USP30: variants seen among roughly 807,000 people sequenced by gnomAD.
USP30 encodes the protein ubiquitin carboxyl-terminal hydrolase 30.
USP30 carries 41 observed loss-of-function variants against 68.2 expected under a neutral mutation model. The observed-to-expected ratio is 0.60, with a 90% confidence interval of 0.47 to 0.78. The LOEUF is 0.78. USP30 is among the 30% of genes least tolerant of loss of function. The probability of loss-of-function intolerance (pLI) is 0.00; values close to 1 mark genes in which losing one functional copy is unlikely to be tolerated. For synonymous variants in USP30, 229 were observed against 253.7 expected, an observed-to-expected ratio of 0.90 and a Z score of 0.93; for missense variants, 522 against 649.4, an observed-to-expected ratio of 0.80 and a Z score of 2.13.
upstream of USP30, among the ~76,000 whole-genome samples, chr12:109,048,161 C>T (rs1358349777): frequency 6.6e-6 from 1 of 150,988 alleles, no homozygotes; most frequent in Non-Finnish European, 1.5e-5. Flanking sequence ...TCATGGCTCA[C>T]TGCAACCTCT....
chr12:109,067,053 G>A (rs964072741), intron 3 of USP30, among the ~76,000 whole-genome samples: 1 of 150,984 alleles, frequency 6.6e-6, no homozygotes, highest in African/African-American at 2.4e-5. Flanking sequence ...ATTGGGTAAA[G>A]CTACAAAGAA....
chr12:109,027,624 A>G (rs1030311538), intron 3 of USP30: 4 of 152,198 alleles, frequency 2.6e-5, no homozygotes, highest in Non-Finnish European at 5.9e-5. Context: ...TAGTTACCTG[A>G]TAAGAGTGGA....
At chr12:109,078,072 A>C (rs2041665533) in intron 7 of USP30, among the ~76,000 whole-genome samples, 1 of 152,132 alleles carries the variant, frequency 6.6e-6, no homozygotes, top group Non-Finnish European at 1.5e-5. Context: ...TGGTATTGCT[A>C]GTTCATACAG....
At chr12:109,042,531 G>A (rs2040572289) in intron 3 of USP30, among the ~76,000 whole-genome samples, 1 of 152,066 alleles carries the variant, frequency 6.6e-6, no homozygotes, top group African/African-American at 2.4e-5. Context: ...GAAAGAGCTG[G>A]CTCATTGTTT....
intron 3 of USP30, among the ~76,000 whole-genome samples, chr12:109,044,705 A>T (rs1226437951): frequency 6.6e-6 from 1 of 150,490 alleles, no homozygotes; most frequent in African/African-American, 2.5e-5. Flanking sequence ...TTGCCACAAT[A>T]AAAAAAAATG....
Position 109,081,614 on chromosome 12 carries a change from C to T in USP30, c.780+221C>T, listed in dbSNP as rs900516144. 166 of 575,502 alleles carry T rather than the reference C, an allele frequency of 2.9e-4. 1 individual carries two copies. Among genetic ancestry groups the T allele is most frequent in the South Asian group, 1.1e-3 (52 of 47,988 alleles). 35.6% of individuals were successfully genotyped at this position (575,502 alleles called of 1,614,324 possible). A position where few individuals can be genotyped will look rare whatever the true frequency, so the allele number is the denominator to read the frequency against. On this transcript the variant is annotated intron_variant, in intron 8 of 12. Coordinates refer to ENST00000257548, the MANE Select transcript of USP30 (RefSeq NM_032663.5). ...TTTTGGCTTTTTGAATACACACGCA[C>T]GCATGCGCGCACACACACACACACA...
chr12:109,046,158 T>C (rs1815652320), intron 3 of USP30, among the ~76,000 whole-genome samples: 1 of 137,096 alleles, frequency 7.3e-6, no homozygotes, highest in African/African-American at 2.6e-5. Flanking sequence ...TGGAGTGCAG[T>C]GGCGCGATCT....
chr12:109,062,545 G>T (rs923821206), intron 3 of USP30, among the ~76,000 whole-genome samples: 30 of 151,038 alleles, frequency 2.0e-4, no homozygotes, highest in African/African-American at 6.8e-4. Flanking sequence ...AGCCAGGATG[G>T]TCTCAATCTC....
At chr12:109,042,991 C>T (rs548761280) in intron 3 of USP30, among the ~76,000 whole-genome samples, 1 of 152,174 alleles carries the variant, frequency 6.6e-6, no homozygotes, top group South Asian at 2.1e-4. Context: ...GTGACAAAAA[C>T]TATTTCATTT....
intron 3 of USP30, among the ~76,000 whole-genome samples, chr12:109,046,835 T>G (rs2040609352): frequency 6.6e-6 from 1 of 152,148 alleles, no homozygotes; most frequent in Non-Finnish European, 1.5e-5. Flanking sequence ...TAGCTAGGAT[T>G]ACAGGTGTGC....
chr12:109,079,098 C>T (rs933043617), intron 7 of USP30, among the ~76,000 whole-genome samples: 1 of 151,928 alleles, frequency 6.6e-6, no homozygotes, highest in Non-Finnish European at 1.5e-5. Context: ...TTGGGGTTTG[C>T]TGAGTTTCTT....
At chr12:109,069,780 G>A (rs918647395) in intron 4 of USP30, among the ~76,000 whole-genome samples, 1 of 152,194 alleles carries the variant, frequency 6.6e-6, no homozygotes. Context: ...GAGGAGCCAA[G>A]CTACAGGGGG....
At chr12:109,050,816 C>T (rs2040656575), upstream of USP30, among the ~76,000 whole-genome samples, 1 of 152,024 alleles carries the variant, frequency 6.6e-6, no homozygotes, top group Non-Finnish European at 1.5e-5. Context: ...AGCAGCCTGA[C>T]CAACATGGTG....
At chr12:109,076,194 A>T (rs2041598387) in intron 7 of USP30, among the ~76,000 whole-genome samples, 1 of 152,172 alleles carries the variant, frequency 6.6e-6, no homozygotes. Flanking sequence ...AATTTAAAAA[A>T]ATTTATTTTC....
intron 3 of USP30, among the ~76,000 whole-genome samples, chr12:109,058,527 G>A (rs919392763): frequency 2.0e-5 from 3 of 148,774 alleles, no homozygotes; most frequent in Non-Finnish European, 4.4e-5. Flanking sequence ...AGCTGAGATC[G>A]CACCATTGCA....
At chr12:109,057,787 C>T in intron 2 of USP30, 139 bp from the exon 3 acceptor site, 1 of 954,828 alleles carries the variant, frequency 1.0e-6, no homozygotes, top group Non-Finnish European at 1.6e-6. Flanking sequence ...GGCCTGGCCC[C>T]AGATCTCTGT....
chr12:109,050,938 C>T (rs114955626), upstream of USP30, among the ~76,000 whole-genome samples: 1,779 of 151,968 alleles, frequency 0.012, 17 homozygotes, highest in Non-Finnish European at 0.019. Context: ...ACCTGAGAGG[C>T]GAGATCGTGC....
At chr12:109,068,495 CATG>C (rs113927204) in intron 4 of USP30, among the ~76,000 whole-genome samples, 9,264 of 152,244 alleles carry the variant, frequency 0.061, 788 homozygotes, top group African/African-American at 0.19. Flanking sequence ...ACTTTTTAGA[CATG>C]GTGGTGGTAT....
chr12:109,041,810 CTGAGGTAAGAAAAGCTT>C (rs1170503322), intron 3 of USP30, among the ~76,000 whole-genome samples: 1 of 151,818 alleles, frequency 6.6e-6, no homozygotes, highest in Non-Finnish European at 1.5e-5. Context: ...TTGTGAAGAT[CTGAGGTAAGAAAAGCTT>C]TGAAGTGGGG....
Sources: allele counts gnomAD v4.1 joint callset (sites outside exome capture counted in the v4.1 genomes callset), GRCh38; gene constraint gnomAD v4.1.1; transcripts MANE v1.5; gene names NCBI Gene and HGNC (gene_info 2026-07-23, HGNC 2026-07-21).